Variants in EYS observed in about 807,000 individuals in gnomAD.
The protein encoded by EYS is EGF-like photoreceptor maintenance factor.
In EYS, 250 loss-of-function variants were observed where a neutral mutation model predicts 282.1. That is an observed-to-expected ratio of 0.89 (90% CI 0.80 to 0.98). The LOEUF (loss-of-function observed/expected upper bound fraction) is 0.98. EYS is among the 50% of genes least tolerant of loss of function. The pLI, the probability that EYS is intolerant of heterozygous loss-of-function variation, is 0.00. For missense variants in EYS, 4,016 were observed against 3,709.0 expected, an observed-to-expected ratio of 1.08 and a Z score of -2.15; for synonymous variants, 1,355 against 1,282.9, an observed-to-expected ratio of 1.06 and a Z score of -1.20.
rs1039460371 is a variant in EYS, at chr6:65,525,274, T to G, written c.-332-29281A>C. On this transcript the variant is annotated intron_variant, in intron 2 of 42. Coordinates refer to ENST00000503581, the MANE Select transcript of EYS (RefSeq NM_001142800.2). Reference sequence around the variant, plus strand: ...CATAGAAAAAGTCATCCTATCAACTTGATTATTGTAATCATCCTCTGCAGA... The same window carrying G: ...CATAGAAAAAGTCATCCTATCAACTGGATTATTGTAATCATCCTCTGCAGA... Among the ~76,000 whole-genome samples, 12 of 152,156 alleles carry G rather than the reference T, an allele frequency of 7.9e-5. 1 individual carries two copies. Among genetic ancestry groups the G allele is most frequent in the African/African-American group, 2.9e-4 (12 of 41,446 alleles).
chr6:64,518,783 C>CCCA (rs1295928254), intron 26 of EYS, among the ~76,000 whole-genome samples: 1 of 149,926 alleles, frequency 6.7e-6, no homozygotes, highest in Non-Finnish European at 1.5e-5. Flanking sequence ...ATAAGGGGCC[C>CCCA]CCCCCTTCTC....
chr6:64,137,632 G>C (rs2150285817), intron 31 of EYS, among the ~76,000 whole-genome samples: 1 of 152,236 alleles, frequency 6.6e-6, no homozygotes, highest in South Asian at 2.1e-4. Flanking sequence ...GAGAGACAGA[G>C]AGAGAGAAAG....
intron 12 of EYS, among the ~76,000 whole-genome samples, chr6:65,238,255 A>G (rs1379698921): frequency 6.7e-6 from 1 of 149,782 alleles, no homozygotes; most frequent in East Asian, 1.9e-4. Context: ...TTTTAAAAAT[A>G]TAATATATAT....
rs116390095 is a variant in EYS at position 65,481,070 on chromosome 6, C to T, written c.862+9524G>A. Among the ~76,000 whole-genome samples, 1,193 of 151,930 alleles carry T rather than the reference C, an allele frequency of 7.9e-3. 12 individuals are homozygous for T. Among genetic ancestry groups the T allele is most frequent in the African/African-American group, 0.026 (1,064 of 41,412 alleles). ...ACATTGTAAGGTGAATGTGGTTAAC[C>T]GTAATTTATTATATATTTTCAAAAA... On this transcript the variant is annotated intron_variant, in intron 5 of 42. Transcript: ENST00000503581.
chr6:64,084,084 T>A (rs1772068627), intron 31 of EYS, among the ~76,000 whole-genome samples: 1 of 152,224 alleles, frequency 6.6e-6, no homozygotes, highest in Non-Finnish European at 1.5e-5. Flanking sequence ...ACATGAAATA[T>A]ACTAAAAATA....
At chr6:65,031,946 T>A (rs1772618033) in intron 13 of EYS, among the ~76,000 whole-genome samples, 1 of 151,942 alleles carries the variant, frequency 6.6e-6, no homozygotes, top group Admixed American at 6.6e-5. Context: ...ATTGGTTTCT[T>A]GAAAAAATAT....
At chr6:65,418,408 G>A (rs1767322807) in intron 5 of EYS, among the ~76,000 whole-genome samples, 2 of 151,844 alleles carry the variant, frequency 1.3e-5, no homozygotes, top group Admixed American at 6.6e-5. Context: ...TCTGCTATAA[G>A]GACACATGCA....
At chr6:64,728,329 T>C (rs1381522456) in intron 22 of EYS, among the ~76,000 whole-genome samples, 2 of 152,142 alleles carry the variant, frequency 1.3e-5, no homozygotes, top group East Asian at 3.9e-4. Flanking sequence ...GTTTCTTCTC[T>C]TTTTATTTAT....
chr6:63,936,153 G>A (rs537710773), intron 35 of EYS, among the ~76,000 whole-genome samples: 1 of 152,196 alleles, frequency 6.6e-6, no homozygotes, highest in Admixed American at 6.5e-5. Flanking sequence ...CAGGATGGGG[G>A]TCTCACATTA....
In EYS at chr6:65,498,609, C is replaced by T. The variant is rs9354256; in HGVS notation, c.-332-2616G>A. Among the ~76,000 whole-genome samples, 6 of 151,940 alleles carry T rather than the reference C, an allele frequency of 3.9e-5. No homozygotes were observed. In the East Asian group the frequency reaches 9.7e-4, roughly 25 times the overall value. ...TTTTCAAAGAGAAAGTGGCTTGATG[C>T]ATTGCATTTCCACCTTGTGAAAATT... is the stretch of plus-strand genomic sequence containing the variant. On this transcript the variant is annotated intron_variant, in intron 2 of 42. Transcript: ENST00000503581.
In EYS at chr6:64,331,636, C is replaced by T. The variant is rs1425455185; in HGVS notation, c.6079-24554G>A. On this transcript the variant is annotated intron_variant, in intron 29 of 42. Transcript: ENST00000503581. ...TTCATAAAAGTTTCATCAAGGAATG[C>T]ATATGGGAAAAACTGCATTAGAGAC... Among the ~76,000 whole-genome samples the T allele has an allele frequency of 2.7e-4, 39 of 144,710 alleles. 1 individual carries two copies. The Admixed American group carries it at 2.9e-3, about 11-fold the overall frequency. 94.9% of individuals were successfully genotyped at this position (144,710 alleles called of 152,430 possible).
intron 1 of EYS, among the ~76,000 whole-genome samples, chr6:65,689,431 G>A (rs946750059): frequency 4.7e-5 from 7 of 149,676 alleles, no homozygotes; most frequent in African/African-American, 1.7e-4. Context: ...GTTAAATGAC[G>A]ATTTACTGGG....
intron 22 of EYS, among the ~76,000 whole-genome samples, chr6:64,699,462 C>T (rs1770706580): frequency 1.3e-5 from 2 of 151,900 alleles, no homozygotes; most frequent in African/African-American, 4.8e-5. Flanking sequence ...TCATATGTAC[C>T]CCCAAACTTA....
chr6:65,322,675 G>A (rs1411073723), intron 11 of EYS, among the ~76,000 whole-genome samples: 1 of 151,748 alleles, frequency 6.6e-6, no homozygotes, highest in Non-Finnish European at 1.5e-5. Flanking sequence ...CGCGCCTGTA[G>A]TCCCAGCTAC....
chr6:64,436,827 C>T (rs1774768234), intron 27 of EYS, among the ~76,000 whole-genome samples: 1 of 151,736 alleles, frequency 6.6e-6, no homozygotes, highest in Non-Finnish European at 1.5e-5. Flanking sequence ...CAAGTATCCC[C>T]AGGAAATACA....
chr6:64,422,861 G>T (rs1774280510), intron 28 of EYS, among the ~76,000 whole-genome samples: 1 of 151,978 alleles, frequency 6.6e-6, no homozygotes, highest in African/African-American at 2.4e-5. Context: ...TTTTCCTTCA[G>T]AATAATAATG....
At chr6:65,057,188 C>T (rs543748203) in intron 13 of EYS, among the ~76,000 whole-genome samples, 7 of 151,940 alleles carry the variant, frequency 4.6e-5, no homozygotes, top group African/African-American at 1.7e-4. Context: ...AATTCCTGAA[C>T]TGAAGTTGAA....
rs372035371 is a variant in EYS at position 65,353,992 on chromosome 6, T to C, written c.1300-375A>G. Among the ~76,000 whole-genome samples the C allele has an allele frequency of 3.3e-5, 5 of 152,098 alleles. No individual in the cohort carries two copies. The East Asian group carries it at 7.7e-4, about 24-fold the overall frequency. ...AACGGTTGAATTAGCACAATAAATG[T>C]CATGGTGTGTTCAAATTAGACTTTT... On this transcript the variant is annotated intron_variant, in intron 8 of 42. Coordinates refer to ENST00000503581, the MANE Select transcript of EYS (RefSeq NM_001142800.2).
At chr6:64,699,153 C>G (rs1188554167) in intron 22 of EYS, among the ~76,000 whole-genome samples, 1 of 151,996 alleles carries the variant, frequency 6.6e-6, no homozygotes, top group Non-Finnish European at 1.5e-5. Context: ...AAAAAAAGAA[C>G]AAGATCATGT....
Sources: allele counts gnomAD v4.1 joint callset (sites outside exome capture counted in the v4.1 genomes callset), GRCh38; gene constraint gnomAD v4.1.1; transcripts MANE v1.5; gene names NCBI Gene and HGNC (gene_info 2026-07-23, HGNC 2026-07-21).